GMDS: variants seen among roughly 807,000 people sequenced by gnomAD.
The protein encoded by GMDS is GDP-mannose 4,6-dehydratase.
In GMDS, 20 loss-of-function variants were observed where a neutral mutation model predicts 49.9. The observed-to-expected ratio is 0.40, with a 90% CI of 0.28 to 0.58. The LOEUF (loss-of-function observed/expected upper bound fraction) is 0.58. Among genes scored for constraint, GMDS ranks in the 20% least tolerant of loss-of-function variants. The probability of loss-of-function intolerance (pLI) is 0.42; values close to 1 mark genes in which losing one functional copy is unlikely to be tolerated. For synonymous variants in GMDS, 177 were observed against 178.6 expected, an observed-to-expected ratio of 0.99 and a Z score of 0.07; for missense variants, 362 against 481.4, an observed-to-expected ratio of 0.75 and a Z score of 2.32.
rs751129753 is a variant in GMDS at position 1,655,476 on chromosome 6, T to TACACACACAC, written c.988-30946_988-30937dup. 3.7e-3 allele frequency among the ~76,000 whole-genome samples: 304 copies of TACACACACAC among 81,148 alleles called. 2 individuals are homozygous for TACACACACAC. The highest frequency in any genetic ancestry group is 0.013 in the East Asian group (52 of 3,872). 53.2% of individuals were successfully genotyped at this position (81,148 alleles called of 152,430 possible). A position where few individuals can be genotyped will look rare whatever the true frequency, so the allele number is the denominator to read the frequency against. On this transcript the variant is annotated intron_variant, in intron 9 of 10. Coordinates refer to ENST00000380815, the MANE Select transcript of GMDS (RefSeq NM_001500.4). Reference sequence around the variant, plus strand: ...TTTTTTTCCTTACGTTTGAAAGCCTTACACACACACACACACACATACACA... The same window carrying TACACACACAC: ...TTTTTTTCCTTACGTTTGAAAGCCTTACACACACACACACACACACACACACACATACACA...
At chr6:1,737,778 CACAT>C (rs1320420256) in intron 8 of GMDS, among the ~76,000 whole-genome samples, 8 of 111,646 alleles carry the variant, frequency 7.2e-5, no homozygotes, top group East Asian at 3.8e-4. Flanking sequence ...CACACAGATA[CACAT>C]ACATACACAC....
Position 1,818,379 on chromosome 6 carries a change from G to A in GMDS, c.772-75793C>T, listed in dbSNP as rs147001764. Among the ~76,000 whole-genome samples the A allele has an allele frequency of 5.0e-3, 768 of 152,192 alleles. 3 individuals are homozygous for A. Among genetic ancestry groups the A allele is most frequent in the African/African-American group, 0.018 (731 of 41,510 alleles). On this transcript the variant is annotated intron_variant, in intron 7 of 10. Transcript: ENST00000380815. ...TCCCAGCACTTTGGGAGGCCGAGGC[G>A]GGTGGATCACCTGAGGTCAGGAGTT...
At chr6:2,232,744 C>T (rs955043430) in intron 1 of GMDS, among the ~76,000 whole-genome samples, 16 of 152,120 alleles carry the variant, frequency 1.1e-4, no homozygotes, top group South Asian at 2.1e-4. Flanking sequence ...GTGACAGAGA[C>T]GGCACCACTG....
intron 7 of GMDS, among the ~76,000 whole-genome samples, chr6:1,909,461 T>G (rs1041691040): frequency 6.6e-6 from 1 of 152,236 alleles, no homozygotes; most frequent in Non-Finnish European, 1.5e-5. Context: ...GGTCCTTTAC[T>G]TTAGAAATCC....
chr6:2,045,192 G>A (rs1036153982), intron 4 of GMDS, among the ~76,000 whole-genome samples: 1 of 151,564 alleles, frequency 6.6e-6, no homozygotes, highest in African/African-American at 2.4e-5. Context: ...ATGTTAAAAA[G>A]TCTTAAATTT....
chr6:1,739,439 G>A (rs1767171492), intron 8 of GMDS, among the ~76,000 whole-genome samples: 1 of 152,202 alleles, frequency 6.6e-6, no homozygotes, highest in South Asian at 2.1e-4. Flanking sequence ...AGCACATCCT[G>A]CCGTTCTTCT....
At chr6:1,815,883 T>C (rs550934739) in intron 7 of GMDS, among the ~76,000 whole-genome samples, 2 of 152,362 alleles carry the variant, frequency 1.3e-5, no homozygotes, top group South Asian at 4.1e-4. Context: ...TCCAGATTTC[T>C]TTCACAAGAA....
chr6:2,147,948 T>C (rs1581713098), intron 1 of GMDS, among the ~76,000 whole-genome samples: 2 of 151,684 alleles, frequency 1.3e-5, no homozygotes, highest in South Asian at 2.1e-4. Context: ...TATTTATATA[T>C]TGACTCACAT....
intron 3 of GMDS, among the ~76,000 whole-genome samples, chr6:2,116,944 T>G (rs1053836245): frequency 6.6e-6 from 1 of 152,198 alleles, no homozygotes; most frequent in African/African-American, 2.4e-5. Context: ...CTGCTTGTGC[T>G]ATATAAACTG....
At chr6:1,957,013 G>C (rs1056379558) in intron 6 of GMDS, among the ~76,000 whole-genome samples, 3 of 151,950 alleles carry the variant, frequency 2.0e-5, no homozygotes. Flanking sequence ...ATGTTGGCCA[G>C]GCTGGTCTCA....
chr6:1,821,611 GTTTT>G (rs3039703), intron 7 of GMDS, among the ~76,000 whole-genome samples: 3,247 of 109,592 alleles, frequency 0.03, 75 homozygotes, highest in African/African-American at 0.11. Context: ...CAATTTATTT[GTTTT>G]TTTTTTTTTT....
intron 7 of GMDS, among the ~76,000 whole-genome samples, chr6:1,926,433 C>A (rs962603441): frequency 2.6e-5 from 4 of 152,206 alleles, no homozygotes; most frequent in African/African-American, 9.6e-5. Context: ...GCAACCCATA[C>A]CACCATCACA....
intron 7 of GMDS, among the ~76,000 whole-genome samples, chr6:1,880,284 CAAAAAAAA>C (rs34490393): frequency 6.8e-5 from 4 of 59,112 alleles, no homozygotes; most frequent in Non-Finnish European, 9.0e-5. Context: ...CTCATTTCCA[CAAAAAAAA>C]AAAAAAAAAA....
chr6:2,218,703 A>G (rs1395713521), intron 1 of GMDS, among the ~76,000 whole-genome samples: 2 of 152,244 alleles, frequency 1.3e-5, no homozygotes, highest in South Asian at 2.1e-4. Context: ...AATCTTCTAT[A>G]TATCTTAATG....
At chr6:1,913,149 A>AGGCG (rs1183968314) in intron 7 of GMDS, among the ~76,000 whole-genome samples, 38 of 152,122 alleles carry the variant, frequency 2.5e-4, no homozygotes, top group Non-Finnish European at 8.8e-5. Flanking sequence ...TGGGAGGCCG[A>AGGCG]GGCGGGCGGA....
At chr6:1,877,009 T>A (rs1759101815) in intron 7 of GMDS, among the ~76,000 whole-genome samples, 1 of 152,224 alleles carries the variant, frequency 6.6e-6, no homozygotes, top group South Asian at 2.1e-4. Context: ...AAGTTCTGGC[T>A]CTGGTCTCTG....
At chr6:1,932,366 G>A (rs1003208284) in intron 6 of GMDS, among the ~76,000 whole-genome samples, 2 of 152,044 alleles carry the variant, frequency 1.3e-5, no homozygotes, top group African/African-American at 4.8e-5. Context: ...GAGATTCAGG[G>A]AAGCTATATA....
At chr6:2,076,328 T>C (rs1772335612) in intron 4 of GMDS, among the ~76,000 whole-genome samples, 1 of 152,112 alleles carries the variant, frequency 6.6e-6, no homozygotes, top group South Asian at 2.1e-4. Flanking sequence ...AAAATGGCCA[T>C]ACTGCCCAAG....
intron 1 of GMDS, among the ~76,000 whole-genome samples, chr6:2,208,097 A>T (rs535156678): frequency 6.6e-6 from 1 of 151,966 alleles, no homozygotes; most frequent in South Asian, 2.1e-4. Flanking sequence ...GAAGCTGTGC[A>T]TAAGTTAGAA....
Sources: gnomAD v4.1 joint callset for allele counts (sites outside exome capture counted in the v4.1 genomes callset) on GRCh38, gnomAD v4.1.1 for gene constraint, MANE v1.5 for transcripts, NCBI Gene and HGNC (gene_info 2026-07-23, HGNC 2026-07-21) for gene names.